IQCJ: variants seen among roughly 807,000 people sequenced by gnomAD.
IQCJ encodes the protein IQ domain-containing protein J.
In IQCJ, 9 loss-of-function variants were observed where a neutral mutation model predicts 11.0. That is an observed-to-expected ratio of 0.82 (90% confidence interval 0.49 to 1.43). The LOEUF is 1.43. Among genes scored for constraint, IQCJ ranks in the 40% most tolerant of loss-of-function variants. IQCJ has a pLI of 0.00. For missense variants in IQCJ, 146 were observed against 133.2 expected, an observed-to-expected ratio of 1.10 and a Z score of -0.47; for synonymous variants, 55 against 51.3, an observed-to-expected ratio of 1.07 and a Z score of -0.31.
At chr3:159,189,599 C>T (rs1481386766) in intron 1 of IQCJ, among the ~76,000 whole-genome samples, 1 of 152,090 alleles carries the variant, frequency 6.6e-6, no homozygotes, top group African/African-American at 2.4e-5. Context: ...ACTTTGCTGC[C>T]CTAGGGTCGT....
intron 1 of IQCJ, among the ~76,000 whole-genome samples, chr3:159,129,560 A>G (rs1238851174): frequency 6.6e-6 from 1 of 152,186 alleles, no homozygotes; most frequent in East Asian, 1.9e-4. Context: ...TCTGTGTAAT[A>G]GAGGGGAAAG....
chr3:159,227,878 GA>G (rs1725953621), intron 1 of IQCJ, among the ~76,000 whole-genome samples: 1 of 152,220 alleles, frequency 6.6e-6, no homozygotes, highest in Non-Finnish European at 1.5e-5. Context: ...TATTAAGCAT[GA>G]GTATTTCGCA....
chr3:159,252,723 C>T lies in IQCJ; in HGVS notation c.75-4C>T. The T allele has an allele frequency of 6.2e-7, 1 of 1,609,842 alleles. No homozygotes were observed. The highest frequency in any genetic ancestry group is 8.5e-7 in the Non-Finnish European group (1 of 1,177,888). ...AGATATTGAGACATTATTTCTGTTT[C>T]TAGTCACCAGCTGGCCATGGATGCA... is the stretch of plus-strand genomic sequence containing the variant. On this transcript the variant is annotated splice_polypyrimidine_tract_variant and splice_region_variant and intron_variant, in intron 2 of 3. Transcript: ENST00000397832.
intron 1 of IQCJ, among the ~76,000 whole-genome samples, chr3:159,189,360 T>C (rs566040393): frequency 1.3e-5 from 2 of 152,360 alleles, no homozygotes; most frequent in South Asian, 4.1e-4. Flanking sequence ...TATTTTGGTT[T>C]AGCTATCTAT....
intron 1 of IQCJ, among the ~76,000 whole-genome samples, chr3:159,242,877 A>C (rs1342112397): frequency 6.6e-6 from 1 of 152,314 alleles, no homozygotes; most frequent in Non-Finnish European, 1.5e-5. Flanking sequence ...AAATATATTG[A>C]TTGGGAAGAA....
intron 1 of IQCJ, among the ~76,000 whole-genome samples, chr3:159,141,121 A>T (rs567865489): frequency 6.6e-6 from 1 of 151,388 alleles, no homozygotes; most frequent in Admixed American, 6.6e-5. Context: ...AAGAAGGACT[A>T]GATCTCATAT....
At chr3:159,108,307 T>G (rs1354235930) in intron 1 of IQCJ, among the ~76,000 whole-genome samples, 1 of 152,186 alleles carries the variant, frequency 6.6e-6, no homozygotes, top group African/African-American at 2.4e-5. Context: ...TTTATTTTGT[T>G]AATCATTCGT....
intron 2 of IQCJ, among the ~76,000 whole-genome samples, chr3:159,252,008 TC>T (rs902560055): frequency 5.3e-5 from 8 of 152,242 alleles, no homozygotes; most frequent in South Asian, 4.1e-4. Flanking sequence ...CCTATTTTTT[TC>T]ATCCACTTCG....
At chr3:159,248,352 A>G (rs972038680) in intron 2 of IQCJ, among the ~76,000 whole-genome samples, 2 of 152,194 alleles carry the variant, frequency 1.3e-5, no homozygotes, top group Non-Finnish European at 2.9e-5. Flanking sequence ...TGACCAAATG[A>G]AGTTTCTGTT....
chr3:159,157,714 C>T (rs79419461), intron 1 of IQCJ, among the ~76,000 whole-genome samples: 4,405 of 152,292 alleles, frequency 0.029, 207 homozygotes, highest in African/African-American at 0.1. Flanking sequence ...CAAATAACCA[C>T]TATTATTAGA....
At chr3:159,147,104 A>T (rs1720965089) in intron 1 of IQCJ, among the ~76,000 whole-genome samples, 1 of 152,206 alleles carries the variant, frequency 6.6e-6, no homozygotes, top group Non-Finnish European at 1.5e-5. Context: ...ATTTCCTTTT[A>T]ATATGCCAAT....
At chr3:159,203,799 T>C (rs1437386539) in intron 1 of IQCJ, among the ~76,000 whole-genome samples, 1 of 152,048 alleles carries the variant, frequency 6.6e-6, no homozygotes, top group Non-Finnish European at 1.5e-5. Flanking sequence ...AATTATAAGA[T>C]GGTGTACCAG....
intron 1 of IQCJ, among the ~76,000 whole-genome samples, chr3:159,198,859 C>A (rs1296899275): frequency 1.3e-5 from 2 of 152,176 alleles, no homozygotes; most frequent in Admixed American, 1.3e-4. Flanking sequence ...ATACATTGAA[C>A]AATAGAGTCT....
At chr3:159,184,346 C>G (rs937243600) in intron 1 of IQCJ, among the ~76,000 whole-genome samples, 1 of 152,148 alleles carries the variant, frequency 6.6e-6, no homozygotes, top group Non-Finnish European at 1.5e-5. Context: ...TTAAATGTCA[C>G]CTCCTCAGAA....
chr3:159,254,525 T>C (rs1577118503), intron 3 of IQCJ, among the ~76,000 whole-genome samples: 1 of 152,306 alleles, frequency 6.6e-6, no homozygotes, highest in Middle Eastern at 3.4e-3. Context: ...TGCCCAACAA[T>C]AGAACTTGAG....
chr3:159,179,469 A>T (rs1325099249), intron 1 of IQCJ, among the ~76,000 whole-genome samples: 2 of 152,084 alleles, frequency 1.3e-5, no homozygotes, highest in African/African-American at 4.8e-5. Flanking sequence ...AGCAATATTG[A>T]TCTTACCAAC....
At chr3:159,221,102 T>G (rs1725511849) in intron 1 of IQCJ, among the ~76,000 whole-genome samples, 1 of 152,122 alleles carries the variant, frequency 6.6e-6, no homozygotes, top group Admixed American at 6.5e-5. Context: ...CCTGTTTCAT[T>G]GTTTTGTTTT....
intron 3 of IQCJ, among the ~76,000 whole-genome samples, chr3:159,259,417 CA>C (rs543591617): frequency 2.4e-3 from 356 of 148,428 alleles, no homozygotes; most frequent in African/African-American, 6.4e-3. Context: ...TGTCTAGTTT[CA>C]AAAAAAAAAT....
intron 1 of IQCJ, among the ~76,000 whole-genome samples, chr3:159,126,760 AT>A (rs1208582347): frequency 2.0e-5 from 3 of 152,178 alleles, no homozygotes; most frequent in African/African-American, 7.2e-5. Flanking sequence ...CCAGGAGCAC[AT>A]TGACCTTCTT....
Sources: allele counts gnomAD v4.1 joint callset (sites outside exome capture counted in the v4.1 genomes callset), GRCh38; gene constraint gnomAD v4.1.1; transcripts MANE v1.5; gene names NCBI Gene and HGNC (gene_info 2026-07-23, HGNC 2026-07-21).